Variants in CNTNAP2 observed in about 807,000 individuals in gnomAD.
The protein encoded by CNTNAP2 is contactin-associated protein-like 2.
A neutral mutation model predicts 155.2 loss-of-function variants in CNTNAP2; 98 were observed. The observed-to-expected ratio is 0.63, with a 90% CI of 0.54 to 0.75. CNTNAP2 has a LOEUF of 0.75. CNTNAP2 is among the 30% of genes least tolerant of loss of function. The pLI, the probability that CNTNAP2 is intolerant of heterozygous loss-of-function variation, is 0.00. For synonymous variants in CNTNAP2, 651 were observed against 631.2 expected (o/e 1.03, Z -0.47); for missense variants, 1,727 against 1,688.1 (o/e 1.02, Z -0.40).
chr7:147,381,005 G>A (rs1185700707), intron 9 of CNTNAP2, among the ~76,000 whole-genome samples: 3 of 151,860 alleles, frequency 2.0e-5, no homozygotes, highest in South Asian at 2.1e-4. Flanking sequence ...TAAATAGAGT[G>A]AAAAACGAAT....
chr7:146,684,131 T>C (rs1017291056), intron 1 of CNTNAP2, among the ~76,000 whole-genome samples: 9 of 152,276 alleles, frequency 5.9e-5, no homozygotes, highest in African/African-American at 2.2e-4. Context: ...CCATTGCTTT[T>C]GAGCTGAATC....
chr7:147,139,219 A>C (rs1801549480), intron 8 of CNTNAP2, among the ~76,000 whole-genome samples: 1 of 152,082 alleles, frequency 6.6e-6, no homozygotes, highest in Non-Finnish European at 1.5e-5. Flanking sequence ...GTACATATAC[A>C]ATGTGGTCCT....
chr7:146,901,221 T>G (rs563246011), intron 3 of CNTNAP2, among the ~76,000 whole-genome samples: 1 of 152,260 alleles, frequency 6.6e-6, no homozygotes, highest in Non-Finnish European at 1.5e-5. Context: ...AATTCTCTAG[T>G]GTGCTTAATT....
intron 8 of CNTNAP2, among the ~76,000 whole-genome samples, chr7:147,211,079 GT>G (rs1803135748): frequency 6.6e-6 from 1 of 151,652 alleles, no homozygotes; most frequent in Non-Finnish European, 1.5e-5. Context: ...CTTGGAGTAG[GT>G]TTTATGTGCA....
At chr7:146,892,281 G>T (rs1795794886) in intron 3 of CNTNAP2, among the ~76,000 whole-genome samples, 1 of 152,138 alleles carries the variant, frequency 6.6e-6, no homozygotes, top group East Asian at 1.9e-4. Flanking sequence ...CACAGTGCCT[G>T]ATCCCAAGTA....
rs1799895732 is a variant in CNTNAP2, at chr7:148,413,404, ATATATATATATATATAT to A, written c.3797-2012_3797-1996del. On this transcript the variant is annotated intron_variant, in intron 23 of 23. Transcript: ENST00000361727. ...TGAAACTCCGTCTCAAAAAAAAAATATATATATATATATATATATATATATATATATATATATATATA... is the reference window on the plus strand; with the variant it reads ...TGAAACTCCGTCTCAAAAAAAAAATAATATATATATATATATATATATATA... 2.1e-3 allele frequency among the ~76,000 whole-genome samples: 51 copies of A among 24,642 alleles called. 12 individuals are homozygous for A. The highest frequency in any genetic ancestry group is 6.1e-3 in the African/African-American group (48 of 7,812). The allele number at this position is 24,642 out of a possible 152,430, so 16.2% of individuals were successfully genotyped here. A position where few individuals can be genotyped will look rare whatever the true frequency, so the allele number is the denominator to read the frequency against.
chr7:146,466,048 C>T (rs1013968353), intron 1 of CNTNAP2, among the ~76,000 whole-genome samples: 3 of 151,636 alleles, frequency 2.0e-5, no homozygotes, highest in African/African-American at 4.8e-5. Context: ...TGACTGTTTA[C>T]GCTGGGCTAC....
intron 8 of CNTNAP2, among the ~76,000 whole-genome samples, chr7:147,212,255 A>G (rs1803165704): frequency 6.6e-6 from 1 of 152,148 alleles, no homozygotes; most frequent in Non-Finnish European, 1.5e-5. Context: ...TATATCCAAA[A>G]GAAAACATAT....
chr7:146,550,879 A>T (rs1324806494), intron 1 of CNTNAP2, among the ~76,000 whole-genome samples: 1 of 152,100 alleles, frequency 6.6e-6, no homozygotes, highest in African/African-American at 2.4e-5. Context: ...TGCTTCATGA[A>T]TGAAGTGACA....
intron 1 of CNTNAP2, among the ~76,000 whole-genome samples, chr7:146,436,542 A>G (rs1796245926): frequency 6.6e-6 from 1 of 152,228 alleles, no homozygotes; most frequent in South Asian, 2.1e-4. Flanking sequence ...ATTTAAAATA[A>G]TTCACATACT....
At chr7:147,438,057 A>G (rs1397814435) in intron 10 of CNTNAP2, among the ~76,000 whole-genome samples, 6 of 152,132 alleles carry the variant, frequency 3.9e-5, no homozygotes, top group Admixed American at 3.9e-4. Context: ...CTATCTGAAA[A>G]CAAGGATAAT....
intron 3 of CNTNAP2, among the ~76,000 whole-genome samples, chr7:146,922,914 A>G (rs1796533981): frequency 1.3e-5 from 2 of 152,216 alleles, no homozygotes. Flanking sequence ...GAGTATGTAA[A>G]AGGTTTTACT....
At chr7:146,968,556 G>A (rs1797710443) in intron 3 of CNTNAP2, among the ~76,000 whole-genome samples, 1 of 152,036 alleles carries the variant, frequency 6.6e-6, no homozygotes, top group Non-Finnish European at 1.5e-5. Flanking sequence ...TATGTGTCGA[G>A]GAATTTATCC....
intron 9 of CNTNAP2, among the ~76,000 whole-genome samples, chr7:147,385,097 A>G (rs752678739): frequency 3.5e-4 from 53 of 152,304 alleles, no homozygotes; most frequent in Admixed American, 2.7e-3. Flanking sequence ...TTTTAAAACC[A>G]TCAGATCTCA....
chr7:148,408,696 A>G (rs958401420), intron 22 of CNTNAP2, among the ~76,000 whole-genome samples: 10 of 152,242 alleles, frequency 6.6e-5, no homozygotes, highest in Non-Finnish European at 7.3e-5. Context: ...ATTAGGTCCT[A>G]TGGATGACAG....
At chr7:146,969,510 A>G (rs1051543605) in intron 3 of CNTNAP2, among the ~76,000 whole-genome samples, 45 of 152,232 alleles carry the variant, frequency 3.0e-4, no homozygotes, top group African/African-American at 7.9e-4. Flanking sequence ...TTGGGTGCAT[A>G]TATATTTAGG....
chr7:146,940,870 A>G (rs969477076), intron 3 of CNTNAP2, among the ~76,000 whole-genome samples: 2 of 152,088 alleles, frequency 1.3e-5, no homozygotes, highest in African/African-American at 4.8e-5. Flanking sequence ...GAGAATTGTT[A>G]TATTATCTTG....
chr7:147,360,485 T>C (rs1049593689), intron 9 of CNTNAP2, among the ~76,000 whole-genome samples: 18 of 152,192 alleles, frequency 1.2e-4, no homozygotes, highest in Admixed American at 2.6e-4. Flanking sequence ...TTTTTCAATA[T>C]TTATTGTGCA....
intron 13 of CNTNAP2, among the ~76,000 whole-genome samples, chr7:147,692,776 T>C (rs1796106774): frequency 6.6e-6 from 1 of 152,062 alleles, no homozygotes; most frequent in Non-Finnish European, 1.5e-5. Flanking sequence ...TTGCGTACCT[T>C]TTCCTCTAGT....
Sources: allele counts gnomAD v4.1 joint callset (sites outside exome capture counted in the v4.1 genomes callset), GRCh38; gene constraint gnomAD v4.1.1; transcripts MANE v1.5; gene names NCBI Gene and HGNC (gene_info 2026-07-23, HGNC 2026-07-21).